PCDH15: variants seen among roughly 807,000 people sequenced by gnomAD.
PCDH15 encodes protocadherin-15.
Under a neutral mutation model 178.5 loss-of-function variants are expected in PCDH15, and 129 were observed. The observed-to-expected ratio is 0.72, with a 90% CI of 0.63 to 0.84. The LOEUF is 0.84. PCDH15 is among the 40% of genes least tolerant of loss of function. The probability of loss-of-function intolerance (pLI) is 0.00; values close to 1 mark genes in which losing one functional copy is unlikely to be tolerated. For synonymous variants in PCDH15, 800 were observed against 732.0 expected, an observed-to-expected ratio of 1.09 and a Z score of -1.50; for missense variants, 2,230 against 2,099.9, an observed-to-expected ratio of 1.06 and a Z score of -1.21.
At chr10:54,232,565 TTGTTAAAA>T (rs1194673814) in intron 9 of PCDH15, among the ~76,000 whole-genome samples, 1 of 152,210 alleles carries the variant, frequency 6.6e-6, no homozygotes, top group African/African-American at 2.4e-5. Context: ...GTCTATTAAC[TTGTTAAAA>T]GTCTACCCCA....
intron 2 of PCDH15, among the ~76,000 whole-genome samples, chr10:55,350,913 CA>C (rs1412135016): frequency 2.6e-5 from 4 of 151,940 alleles, no homozygotes; most frequent in Non-Finnish European, 5.9e-5. Flanking sequence ...CTGATTTAAT[CA>C]TATGTTTTTA....
intron 2 of PCDH15, among the ~76,000 whole-genome samples, chr10:55,469,831 G>C (rs968373202): frequency 1.3e-5 from 2 of 151,080 alleles, no homozygotes; most frequent in Non-Finnish European, 3.0e-5. Flanking sequence ...TGTTACTTAC[G>C]GTTTTTAGTA....
intron 2 of PCDH15, among the ~76,000 whole-genome samples, chr10:55,004,081 T>G (rs1839865211): frequency 6.6e-6 from 1 of 152,152 alleles, no homozygotes; most frequent in Non-Finnish European, 1.5e-5. Flanking sequence ...TCAGGCCAAG[T>G]GTAATGGGAC....
chr10:55,432,530 A>G (rs2132058358), intron 2 of PCDH15, among the ~76,000 whole-genome samples: 1 of 152,260 alleles, frequency 6.6e-6, no homozygotes, highest in Non-Finnish European at 1.5e-5. Flanking sequence ...CAGGTAAGAG[A>G]ACAATAGTGA....
chr10:54,068,527 T>G (rs1352750768), intron 17 of PCDH15, among the ~76,000 whole-genome samples: 1 of 152,170 alleles, frequency 6.6e-6, no homozygotes, highest in African/African-American at 2.4e-5. Flanking sequence ...TATGAAGTAC[T>G]GAGAATGTAC....
Position 54,066,770 on chromosome 10 carries a change from A to G in PCDH15, c.2207T>C (p.Val736Ala), listed in dbSNP as rs1294027216. 6.2e-7 allele frequency: 1 copy of G among 1,613,376 alleles called. No individual in the cohort carries two copies. The highest frequency in any genetic ancestry group is 1.7e-5 in the Admixed American group (1 of 60,002). ...SVVEEEANAF[V>A]GQVKATDPDA... The stretch of plus-strand genomic sequence containing the variant: ...TATTCCACTTACTTTTACTTGACCC[A>G]CAAAGGCATTGGCTTCTTCTTCCAC... The change falls in exon 18 of 38, where the codon GTG becomes GCG. Residue 736 changes from valine to alanine, a missense_variant. Val to Ala is a moderately conservative substitution (Grantham distance 64, BLOSUM62 0). Transcript: ENST00000644397.
At chr10:55,144,887 C>T (rs2589456) in intron 2 of PCDH15, among the ~76,000 whole-genome samples, 137,152 of 152,006 alleles carry the variant, frequency 0.9, 62,545 homozygotes, top group Non-Finnish European at 0.97. Flanking sequence ...TAACATATAG[C>T]AGACTTCACA....
intron 3 of PCDH15, among the ~76,000 whole-genome samples, chr10:54,885,964 CTAAACA>C (rs1404260786): frequency 3.3e-5 from 5 of 152,074 alleles, no homozygotes; most frequent in African/African-American, 1.2e-4. Flanking sequence ...TTAACTTCAC[CTAAACA>C]TACCCAACAA....
At chr10:53,848,022 T>A (rs1038642725) in intron 28 of PCDH15, among the ~76,000 whole-genome samples, 1 of 152,072 alleles carries the variant, frequency 6.6e-6, no homozygotes. Context: ...AAACATTTTG[T>A]GGAGTTTATG....
At chr10:55,039,501 T>C (rs1840815322) in intron 2 of PCDH15, among the ~76,000 whole-genome samples, 1 of 152,114 alleles carries the variant, frequency 6.6e-6, no homozygotes, top group African/African-American at 2.4e-5. Context: ...TTTCCAGTAG[T>C]TATGCATATA....
At chr10:54,961,072 C>T (rs1051462073) in intron 2 of PCDH15, among the ~76,000 whole-genome samples, 4 of 152,186 alleles carry the variant, frequency 2.6e-5, no homozygotes, top group African/African-American at 9.6e-5. Context: ...AAATATATAT[C>T]AAATTGATGG....
intron 1 of PCDH15, among the ~76,000 whole-genome samples, chr10:54,796,913 A>C (rs569481688): frequency 1.3e-5 from 2 of 152,038 alleles, no homozygotes; most frequent in Non-Finnish European, 2.9e-5. Flanking sequence ...ATGATAAAGC[A>C]AAAAGAAAAG....
At chr10:53,991,166 C>T (rs565844298) in intron 21 of PCDH15, among the ~76,000 whole-genome samples, 1 of 152,252 alleles carries the variant, frequency 6.6e-6, no homozygotes, top group South Asian at 2.1e-4. Context: ...GCGCCCGGTC[C>T]CATCAACTGC....
rs558669553 is a variant in PCDH15 at position 55,291,114 on chromosome 10, C to T, written c.-156+28485G>A. Among the ~76,000 whole-genome samples, 250 of 152,170 alleles carry T rather than the reference C, an allele frequency of 1.6e-3. 1 individual carries two copies. The highest frequency in any genetic ancestry group is 5.9e-3 in the African/African-American group (244 of 41,532). On this transcript the variant is annotated intron_variant, in intron 1 of 5. Transcript: ENST00000458638. ...GTTTCTCTCTTTCTCTCTTTCCCCC[C>T]GGCCCCTCCCAAATTTCATGTCCTC...
chr10:54,666,712 GA>G (rs1445589291), intron 1 of PCDH15, among the ~76,000 whole-genome samples: 1 of 151,804 alleles, frequency 6.6e-6, no homozygotes. Flanking sequence ...ATACAAACCA[GA>G]AAAGATATGT....
chr10:55,511,043 G>C (rs1445882755), intron 2 of PCDH15, among the ~76,000 whole-genome samples: 1 of 150,016 alleles, frequency 6.7e-6, no homozygotes, highest in East Asian at 2.0e-4. Context: ...TTTTTTGTTT[G>C]TTTGTTTGTT....
intron 18 of PCDH15, among the ~76,000 whole-genome samples, chr10:54,051,285 C>T (rs1344188980): frequency 6.6e-6 from 1 of 152,098 alleles, no homozygotes; most frequent in Non-Finnish European, 1.5e-5. Flanking sequence ...AGAAGAAGAT[C>T]TAAAAATGTG....
intron 1 of PCDH15, among the ~76,000 whole-genome samples, chr10:55,167,018 A>G (rs1346405701): frequency 6.6e-6 from 1 of 152,298 alleles, no homozygotes; most frequent in Admixed American, 6.5e-5. Context: ...CTTAAATGAC[A>G]CTTCAAATAT....
At chr10:53,947,300 T>C (rs1449661698) in intron 23 of PCDH15, among the ~76,000 whole-genome samples, 2 of 152,114 alleles carry the variant, frequency 1.3e-5, no homozygotes, top group Non-Finnish European at 2.9e-5. Context: ...ACAATAAAAG[T>C]AAATGTTGTA....
Sources: allele counts gnomAD v4.1 joint callset (sites outside exome capture counted in the v4.1 genomes callset), GRCh38; gene constraint gnomAD v4.1.1; transcripts MANE v1.5; gene names NCBI Gene and HGNC (gene_info 2026-07-23, HGNC 2026-07-21).